WDR49: variants seen among roughly 807,000 people sequenced by gnomAD.
WDR49 encodes WD repeat domain 49.
In WDR49, 107 loss-of-function variants were observed where a neutral mutation model predicts 119.5. The observed-to-expected ratio is 0.90, with a 90% CI of 0.77 to 1.05. The LOEUF is 1.05. Among genes scored for constraint, WDR49 ranks in the 50% least tolerant of loss-of-function variants. The pLI, the probability that WDR49 is intolerant of heterozygous loss-of-function variation, is 0.00. For synonymous variants in WDR49, 425 were observed against 418.8 expected (o/e 1.01, Z -0.18); for missense variants, 1,240 against 1,220.5 (o/e 1.02, Z -0.24).
Position 167,498,976 on chromosome 3 carries a change from T to A in WDR49, c.3031+1177A>T, listed in dbSNP as rs1044614763. Among the ~76,000 whole-genome samples, 25 of 152,218 alleles carry A rather than the reference T, an allele frequency of 1.6e-4. 1 individual carries two copies. Among genetic ancestry groups the A allele is most frequent in the Non-Finnish European group, 1.5e-5 (1 of 68,046 alleles). On this transcript the variant is annotated intron_variant, in intron 18 of 18. Transcript: ENST00000682715. ...TGCCAAAGTGGCATATTTTGGAGTA[T>A]CATTTTCTGAGCCCCCAAAAGAGCC...
chr3:167,585,433 T>TGC (rs1027042891), intron 7 of WDR49, among the ~76,000 whole-genome samples: 11 of 145,310 alleles, frequency 7.6e-5, no homozygotes, highest in African/African-American at 2.9e-4. Flanking sequence ...TGTGTGTGTG[T>TGC]CATGGCTAAC....
chr3:167,583,199 C>G (rs1714638154), intron 7 of WDR49, among the ~76,000 whole-genome samples: 1 of 151,952 alleles, frequency 6.6e-6, no homozygotes, highest in African/African-American at 2.4e-5. Flanking sequence ...GTTTAACTTT[C>G]AAAGATCACA....
intron 15 of WDR49, 61 bp from the exon 16 acceptor site, chr3:167,522,545 G>T: frequency 1.3e-6 from 2 of 1,520,460 alleles, no homozygotes; most frequent in Non-Finnish European, 1.8e-6. Context: ...AAACATTTAC[G>T]TGTGTTTACC....
At chr3:167,649,898 G>C (rs545186345) in intron 2 of WDR49, among the ~76,000 whole-genome samples, 18 of 152,298 alleles carry the variant, frequency 1.2e-4, no homozygotes, top group Admixed American at 9.2e-4. Context: ...GGCCAGAACA[G>C]GTGTGCCAGG....
At chr3:167,511,541 G>C (rs1175412856) in intron 16 of WDR49, among the ~76,000 whole-genome samples, 1 of 152,184 alleles carries the variant, frequency 6.6e-6, no homozygotes, top group African/African-American at 2.4e-5. Context: ...ATATTGGTGA[G>C]TGACTGAGCT....
intron 18 of WDR49, among the ~76,000 whole-genome samples, chr3:167,491,190 A>T (rs1751118605): frequency 6.6e-6 from 1 of 151,728 alleles, no homozygotes; most frequent in Non-Finnish European, 1.5e-5. Flanking sequence ...TATTTCTGAG[A>T]CTCTGCTTTG....
chr3:167,570,100 TAAGCTAGCCAAA>T (rs1713845602), intron 8 of WDR49, among the ~76,000 whole-genome samples: 1 of 136,736 alleles, frequency 7.3e-6, no homozygotes. Context: ...ATTACAGCTT[TAAGCTAGCCAAA>T]AAAAAAAAAA....
chr3:167,621,561 T>C lies in WDR49; in HGVS notation c.689A>G (p.Gln230Arg). 1 of 1,535,584 alleles carries C rather than the reference T, an allele frequency of 6.5e-7. No homozygotes were observed. Among genetic ancestry groups the C allele is most frequent in the South Asian group, 1.2e-5 (1 of 84,002 alleles). Reference protein sequence around the residue: ...KEEFACQYKLQGLKGTPICMD... With the variant: ...KEEFACQYKLRGLKGTPICMD... ...GCAAATTGGTGTTCCTTTCAGGCCT[T>C]GGAGTTTGTATTGGCAAGCAAATTC... The change falls in exon 4 of 19, where the codon CAA becomes CGA. Residue 230 changes from glutamine to arginine, a missense_variant. Coordinates refer to ENST00000682715, the MANE Select transcript of WDR49 (RefSeq NM_001366157.1).
chr3:167,655,923 C>CTA (rs759821393), upstream of WDR49, among the ~76,000 whole-genome samples: 62 of 152,060 alleles, frequency 4.1e-4, no homozygotes, highest in Non-Finnish European at 3.7e-4. Context: ...CTCTCTCTCT[C>CTA]TCTATATATA....
At chr3:167,587,771 A>T (rs1304166525) in intron 7 of WDR49, among the ~76,000 whole-genome samples, 1 of 152,142 alleles carries the variant, frequency 6.6e-6, no homozygotes, top group Non-Finnish European at 1.5e-5. Flanking sequence ...AGCGTGAGGC[A>T]CCACACGAGC....
chr3:167,611,693 T>C (rs1326979992), intron 5 of WDR49, among the ~76,000 whole-genome samples: 2 of 152,150 alleles, frequency 1.3e-5, no homozygotes, highest in African/African-American at 4.8e-5. Context: ...ACTATACTTT[T>C]ATCACACAAA....
chr3:167,644,263 C>T (rs1390969075), intron 2 of WDR49, among the ~76,000 whole-genome samples: 2 of 151,832 alleles, frequency 1.3e-5, no homozygotes, highest in South Asian at 4.2e-4. Context: ...GAAATAGTAC[C>T]CCAGAGTCTT....
intron 18 of WDR49, among the ~76,000 whole-genome samples, chr3:167,480,536 A>G (rs1318546676): frequency 2.6e-5 from 4 of 152,240 alleles, no homozygotes; most frequent in Non-Finnish European, 5.9e-5. Context: ...AGAGGAAGTT[A>G]TATAGACCTT....
intron 3 of WDR49, among the ~76,000 whole-genome samples, chr3:167,626,274 A>G (rs1207404659): frequency 6.6e-6 from 1 of 152,018 alleles, no homozygotes; most frequent in Non-Finnish European, 1.5e-5. Flanking sequence ...TCAGGTTTCT[A>G]ATACTATTCT....
At chr3:167,591,327 A>G (rs752712575) in intron 7 of WDR49, among the ~76,000 whole-genome samples, 3 of 152,050 alleles carry the variant, frequency 2.0e-5, no homozygotes, top group African/African-American at 7.2e-5. Flanking sequence ...GACCTAACAT[A>G]TGGTCTATCT....
intron 3 of WDR49, among the ~76,000 whole-genome samples, chr3:167,625,266 A>G (rs1235099501): frequency 6.6e-6 from 1 of 152,064 alleles, no homozygotes; most frequent in Non-Finnish European, 1.5e-5. Context: ...TCAGGAGTAT[A>G]AAAAGACTCA....
intron 18 of WDR49, among the ~76,000 whole-genome samples, chr3:167,480,740 A>G (rs1355486272): frequency 2.6e-5 from 4 of 152,252 alleles, no homozygotes; most frequent in Non-Finnish European, 5.9e-5. Flanking sequence ...GAAAAAGTGA[A>G]AAGTATAGAG....
At chr3:167,627,453 A>G (rs751763057) in intron 2 of WDR49, among the ~76,000 whole-genome samples, 161 bp from the exon 3 acceptor site, 4 of 152,112 alleles carry the variant, frequency 2.6e-5, no homozygotes, top group Admixed American at 6.6e-5. Flanking sequence ...AAGTGAACTT[A>G]AACTGGGGAG....
At chr3:167,480,958 T>G (rs1438352378) in intron 18 of WDR49, among the ~76,000 whole-genome samples, 1 of 149,978 alleles carries the variant, frequency 6.7e-6, no homozygotes, top group Non-Finnish European at 1.5e-5. Context: ...ATCACACACA[T>G]GAGTCATTTT....
Sources: gnomAD v4.1 joint callset for allele counts (sites outside exome capture counted in the v4.1 genomes callset) on GRCh38, gnomAD v4.1.1 for gene constraint, MANE v1.5 for transcripts, NCBI Gene and HGNC (gene_info 2026-07-23, HGNC 2026-07-21) for gene names.